ZSWIM5: variants seen among roughly 807,000 people sequenced by gnomAD.
The protein encoded by ZSWIM5 is zinc finger SWIM-type containing 5.
A neutral mutation model predicts 119.6 loss-of-function variants in ZSWIM5; 55 were observed. The observed-to-expected ratio is 0.46, with a 90% CI of 0.37 to 0.58. ZSWIM5 has a LOEUF of 0.58. Among genes scored for constraint, ZSWIM5 ranks in the 20% least tolerant of loss-of-function variants. The probability of loss-of-function intolerance (pLI) is 0.00; values close to 1 mark genes in which losing one functional copy is unlikely to be tolerated. For synonymous variants in ZSWIM5, 537 were observed against 606.9 expected, an observed-to-expected ratio of 0.88 and a Z score of 1.69; for missense variants, 1,193 against 1,512.8, an observed-to-expected ratio of 0.79 and a Z score of 3.51.
At chr1:45,094,889 A>C (rs11211076) in intron 1 of ZSWIM5, among the ~76,000 whole-genome samples, 46,030 of 151,312 alleles carry the variant, frequency 0.3, 8,579 homozygotes, top group Middle Eastern at 0.5. Context: ...AGACAGAGAC[A>C]GCAGTATGTT....
At chr1:45,170,131 C>T (rs1021390741) in intron 1 of ZSWIM5, among the ~76,000 whole-genome samples, 1 of 151,992 alleles carries the variant, frequency 6.6e-6, no homozygotes, top group Non-Finnish European at 1.5e-5. Context: ...TCCGAAAAAG[C>T]CATCTGAAAG....
chr1:45,040,256 CATAAAG>C lies in ZSWIM5; in HGVS notation c.1756+130_1756+135del, dbSNP rs1381258727. 1.2e-5 allele frequency: 11 copies of C among 948,906 alleles called. No homozygotes were observed. The African/African-American group carries it at 1.3e-4, about 12-fold the overall frequency. 58.8% of individuals were successfully genotyped at this position (948,906 alleles called of 1,614,324 possible). A position where few individuals can be genotyped will look rare whatever the true frequency, so the allele number is the denominator to read the frequency against. ...ATGAACAGATGAGAAAACTGACATT[CATAAAG>C]ATAAAGTGAGGCATTCCACACAGCA... On this transcript the variant is annotated intron_variant, in intron 7 of 13. Coordinates refer to ENST00000359600, the MANE Select transcript of ZSWIM5 (RefSeq NM_020883.2).
rs557377478 is a variant in ZSWIM5 at position 45,120,956 on chromosome 1, C to G, written c.596-32719G>C. ...TGCTCTGGATCCTATCACTTTTCAT[C>G]TTTTTTTTTTTTGAGACGGAGTCTC... On this transcript the variant is annotated intron_variant, in intron 1 of 13. Transcript: ENST00000359600. 1.5e-3 allele frequency among the ~76,000 whole-genome samples: 221 copies of G among 146,412 alleles called. 1 individual carries two copies. The highest frequency in any genetic ancestry group is 2.0e-3 in the Non-Finnish European group (135 of 66,032).
At chr1:45,163,840 C>T (rs1645881223) in intron 1 of ZSWIM5, among the ~76,000 whole-genome samples, 1 of 152,156 alleles carries the variant, frequency 6.6e-6, no homozygotes, top group African/African-American at 2.4e-5. Flanking sequence ...AAATCTACGT[C>T]TGATTGGCGT....
At position 45,081,593 on chromosome 1, in the gene ZSWIM5, G is replaced by A. The variant is rs566776696; in HGVS notation, c.952+6288C>T. Among the ~76,000 whole-genome samples, 506 of 152,384 alleles carry A rather than the reference G, an allele frequency of 3.3e-3. 2 individuals carry two copies. Among genetic ancestry groups the A allele is most frequent in the South Asian group, 0.016 (78 of 4,834 alleles). On this transcript the variant is annotated intron_variant, in intron 2 of 13. Coordinates refer to ENST00000359600, the MANE Select transcript of ZSWIM5 (RefSeq NM_020883.2). ...CTCCCGAGGTGCCGGGATTGCAGACGGAGTCTGGTTCACTCAGTGCTCAAT... is the reference window on the plus strand; with the variant it reads ...CTCCCGAGGTGCCGGGATTGCAGACAGAGTCTGGTTCACTCAGTGCTCAAT...
At chr1:45,178,798 T>C (rs1036074780) in intron 1 of ZSWIM5, among the ~76,000 whole-genome samples, 2 of 152,122 alleles carry the variant, frequency 1.3e-5, no homozygotes, top group Admixed American at 1.3e-4. Context: ...TTTTTTCACT[T>C]AGTAAGAACC....
chr1:45,141,303 A>G (rs79951384), intron 1 of ZSWIM5, among the ~76,000 whole-genome samples: 2 of 152,138 alleles, frequency 1.3e-5, no homozygotes, highest in Non-Finnish European at 2.9e-5. Context: ...GCAAGTATAC[A>G]TCAGAAAGGG....
At chr1:45,134,558 T>C (rs887389949) in intron 1 of ZSWIM5, among the ~76,000 whole-genome samples, 6 of 152,206 alleles carry the variant, frequency 3.9e-5, no homozygotes, top group Non-Finnish European at 8.8e-5. Context: ...CAGGAAGCTG[T>C]AGAGCAGAGT....
At chr1:45,204,759 T>A (rs1223755408) in intron 1 of ZSWIM5, among the ~76,000 whole-genome samples, 1 of 152,152 alleles carries the variant, frequency 6.6e-6, no homozygotes, top group Non-Finnish European at 1.5e-5. Flanking sequence ...GAGCATATAG[T>A]GTACAATAAA....
chr1:45,151,795 A>G (rs1357326433), intron 1 of ZSWIM5, among the ~76,000 whole-genome samples: 1 of 152,224 alleles, frequency 6.6e-6, no homozygotes, highest in East Asian at 1.9e-4. Context: ...CATGCAATAA[A>G]TTGTACCTAT....
intron 1 of ZSWIM5, among the ~76,000 whole-genome samples, chr1:45,174,675 G>A (rs142135210): frequency 6.0e-4 from 92 of 152,108 alleles, no homozygotes; most frequent in African/African-American, 2.2e-3. Context: ...GCAAGGTGGA[G>A]TTTGCAGTGA....
rs1645044340 is a variant in ZSWIM5 at position 45,044,836 on chromosome 1, A to AAAT, written c.1433-1442_1433-1441insATT. 2.8e-3 allele frequency among the ~76,000 whole-genome samples: 33 copies of AAAT among 11,868 alleles called. 8 individuals carry two copies. Among genetic ancestry groups the AAAT allele is most frequent in the East Asian group, 0.022 (5 of 228 alleles). The allele number at this position is 11,868 out of a possible 152,430, so 7.8% of individuals were successfully genotyped here. On this transcript the variant is annotated intron_variant, in intron 5 of 13. Transcript: ENST00000359600. ...ATATATATATAAATATATATATATA[A>AAAT]ATATATATATATAGATTAGCCGGGC...
chr1:45,021,281 C>T (rs1027086319), intron 11 of ZSWIM5, among the ~76,000 whole-genome samples: 29 of 152,082 alleles, frequency 1.9e-4, no homozygotes, highest in Non-Finnish European at 3.1e-4. Flanking sequence ...TGATCTACTG[C>T]GCCGGGCAAC....
chr1:45,193,936 G>GTATATATATATATATATATATA (rs1646106990), intron 1 of ZSWIM5, among the ~76,000 whole-genome samples: 1 of 137,890 alleles, frequency 7.3e-6, no homozygotes, highest in African/African-American at 2.8e-5. Context: ...GTGTGCATAT[G>GTATATATATATATATATATATA]TGTATATATA....
intron 1 of ZSWIM5, among the ~76,000 whole-genome samples, chr1:45,194,489 G>C (rs1265655211): frequency 6.6e-6 from 1 of 152,056 alleles, no homozygotes; most frequent in Non-Finnish European, 1.5e-5. Context: ...GTAACATCTT[G>C]TCATCTTCCT....
At chr1:45,102,865 T>C (rs1436077786) in intron 1 of ZSWIM5, among the ~76,000 whole-genome samples, 3 of 152,214 alleles carry the variant, frequency 2.0e-5, no homozygotes, top group Admixed American at 2.0e-4. Context: ...ATTTATTTAT[T>C]TATTTATTTG....
chr1:45,176,751 C>A (rs908484908), intron 1 of ZSWIM5, among the ~76,000 whole-genome samples: 1 of 152,042 alleles, frequency 6.6e-6, no homozygotes, highest in African/African-American at 2.4e-5. Context: ...ACTGCTGCCA[C>A]CCCCTGCTAT....
intron 2 of ZSWIM5, among the ~76,000 whole-genome samples, chr1:45,076,519 A>G (rs1312599510): frequency 6.6e-6 from 1 of 152,140 alleles, no homozygotes; most frequent in Non-Finnish European, 1.5e-5. Flanking sequence ...TGCTGCTTTT[A>G]GGATCCTTTC....
At chr1:45,205,631 C>G in intron 1 of ZSWIM5, 125 bp downstream of exon 1, 1 of 1,041,116 alleles carries the variant, frequency 9.6e-7, no homozygotes, top group Non-Finnish European at 1.3e-6. Flanking sequence ...GTGACTTGTT[C>G]GTCCTTCGGC....
Sources: allele counts gnomAD v4.1 joint callset (sites outside exome capture counted in the v4.1 genomes callset), GRCh38; gene constraint gnomAD v4.1.1; transcripts MANE v1.5; gene names NCBI Gene and HGNC (gene_info 2026-07-23, HGNC 2026-07-21).